The following MS4A3 variants were observed in gnomAD, a reference collection of about 807,000 sequenced individuals.
MS4A3 encodes the protein membrane-spanning 4-domains subfamily A member 3.
MS4A3 carries 18 observed loss-of-function variants against 24.7 expected under a neutral mutation model. That is an observed-to-expected ratio of 0.73 (90% CI 0.50 to 1.08). The LOEUF is 1.08. MS4A3 is among the 50% of genes least tolerant of loss of function. MS4A3 has a pLI of 0.00. For synonymous variants in MS4A3, 84 were observed against 95.3 expected (o/e 0.88, Z 0.69); for missense variants, 282 against 251.7 (o/e 1.12, Z -0.82).
At chr11:60,068,135 T>C (rs1378726346) in intron 5 of MS4A3, among the ~76,000 whole-genome samples, 1 of 152,150 alleles carries the variant, frequency 6.6e-6, no homozygotes, top group Non-Finnish European at 1.5e-5. Flanking sequence ...CAACTTTCTC[T>C]GCAATCTGGA....
intron 5 of MS4A3, among the ~76,000 whole-genome samples, chr11:60,068,544 G>A (rs1453493818): frequency 2.0e-5 from 3 of 151,398 alleles, no homozygotes; most frequent in South Asian, 2.1e-4. Flanking sequence ...GAGCCACCGC[G>A]CCCAGCCAAC....
At chr11:60,065,232 T>G (rs1252035305) in intron 4 of MS4A3, among the ~76,000 whole-genome samples, 1 of 127,740 alleles carries the variant, frequency 7.8e-6, no homozygotes, top group Non-Finnish European at 1.7e-5. Flanking sequence ...TTTTTTTTTT[T>G]GTAGAGACAG....
chr11:60,062,151 A>T (rs1350143470), intron 2 of MS4A3, among the ~76,000 whole-genome samples: 5 of 152,190 alleles, frequency 3.3e-5, no homozygotes, highest in Non-Finnish European at 7.3e-5. Flanking sequence ...ATGCAAAAGC[A>T]TGCTGGGAAG....
At chr11:60,067,814 G>A (rs572198200) in intron 5 of MS4A3, among the ~76,000 whole-genome samples, 12 of 151,730 alleles carry the variant, frequency 7.9e-5, no homozygotes, top group Admixed American at 7.2e-4. Flanking sequence ...TTGGGAGGCC[G>A]AGGCAGGCGG....
chr11:60,067,627 T>C (rs1027373246), intron 5 of MS4A3, among the ~76,000 whole-genome samples: 5 of 152,222 alleles, frequency 3.3e-5, no homozygotes, highest in Non-Finnish European at 7.3e-5. Context: ...ACCCGTCTCA[T>C]AGGATTTATG....
rs1855465296 is a variant in MS4A3 at position 60,070,901 on chromosome 11, C to T, written c.*668C>T. On this transcript the variant is annotated 3_prime_UTR_variant, in exon 7 of 7. Transcript: ENST00000278865. ...GTGTTCTTCAAAGGACAATGGGAAA[C>T]TGTAAAGTAGAGAACTAAAGAATAA... 1 of 152,188 alleles carries T rather than the reference C, an allele frequency of 6.6e-6. No individual in the cohort carries two copies. Among genetic ancestry groups the T allele is most frequent in the Non-Finnish European group, 1.5e-5 (1 of 68,096 alleles). 9.4% of individuals were successfully genotyped at this position (152,188 alleles called of 1,614,324 possible). A position where few individuals can be genotyped will look rare whatever the true frequency, so the allele number is the denominator to read the frequency against.
intron 6 of MS4A3, 66 bp from the exon 7 acceptor site, chr11:60,070,138 G>T: frequency 7.6e-7 from 1 of 1,322,664 alleles, no homozygotes. Context: ...ATGATAACAG[G>T]AAGGGATGGG....
At chr11:60,060,327 C>A (rs11230135) in intron 1 of MS4A3, among the ~76,000 whole-genome samples, 14,098 of 152,158 alleles carry the variant, frequency 0.093, 877 homozygotes, top group Non-Finnish European at 0.13. Context: ...CAAGGTCATG[C>A]AACTAGTAAG....
intron 4 of MS4A3, among the ~76,000 whole-genome samples, 194 bp downstream of exon 4, chr11:60,064,512 C>T (rs1324680100): frequency 6.6e-6 from 1 of 152,118 alleles, no homozygotes; most frequent in Non-Finnish European, 1.5e-5. Context: ...TCCTGGGATG[C>T]TTGCTCTTAA....
intron 1 of MS4A3, among the ~76,000 whole-genome samples, chr11:60,059,647 T>C (rs1479707424): frequency 2.0e-5 from 3 of 152,176 alleles, no homozygotes; most frequent in Non-Finnish European, 4.4e-5. Context: ...GGTTTTCTGT[T>C]CCTGTATTAG....
intron 6 of MS4A3, 70 bp downstream of exon 6, chr11:60,069,745 TG>T: frequency 8.7e-7 from 1 of 1,145,456 alleles, no homozygotes; most frequent in Non-Finnish European, 1.3e-6. Context: ...AAGTTGTTTC[TG>T]ATGCTTAGAA....
chr11:60,064,265 T>C lies in MS4A3; in HGVS notation c.298T>C (p.Cys100Arg). Residue 100 changes from cysteine to arginine, a missense_variant, in exon 4 of 7, where the codon TGT becomes CGT. Physicochemically the swap from Cys to Arg is radical, Grantham distance 180. Transcript: ENST00000278865. Reference sequence around the variant, plus strand: ...TTTCCTTCCTATTTTCAAACAGTTCTGTAGTTCAGGAACCTTGTCTGTTGT... The same window carrying C: ...TTTCCTTCCTATTTTCAAACAGTTCCGTAGTTCAGGAACCTTGTCTGTTGT... Reference protein sequence around the residue: ...GYPIWGAVFFCSSGTLSVVAG... With the variant: ...GYPIWGAVFFRSSGTLSVVAG... 3 of 1,606,202 alleles carry C rather than the reference T, an allele frequency of 1.9e-6. No homozygotes were observed. Among genetic ancestry groups the C allele is most frequent in the Non-Finnish European group, 8.5e-7 (1 of 1,176,368 alleles).
intron 4 of MS4A3, among the ~76,000 whole-genome samples, chr11:60,066,224 T>G (rs1020998278): frequency 1.3e-5 from 2 of 152,262 alleles, no homozygotes; most frequent in Non-Finnish European, 2.9e-5. Context: ...TTGATGACAT[T>G]TCATCCAATC....
Position 60,069,676 on chromosome 11 carries a change from G to T in MS4A3, c.615+1G>T, listed in dbSNP as rs753526636. ...TGCAAACTGCTGTAATTCAAGAGAG[G>T]TGAGATTTTTCAAATGATTAATCAT... On this transcript the variant is annotated splice_donor_variant, in intron 6 of 6. Transcript: ENST00000278865. LOFTEE classifies it high-confidence loss of function. 6.2e-7 allele frequency: 1 copy of T among 1,605,264 alleles called. No individual in the cohort carries two copies. Among genetic ancestry groups the T allele is most frequent in the African/African-American group, 1.3e-5 (1 of 74,732 alleles).
intron 5 of MS4A3, among the ~76,000 whole-genome samples, chr11:60,067,702 A>AATTATT (rs1189233310): frequency 1.3e-5 from 2 of 152,188 alleles, no homozygotes; most frequent in African/African-American, 4.8e-5. Context: ...CATGATACAC[A>AATTATT]ATTATTATTA....
intron 1 of MS4A3, among the ~76,000 whole-genome samples, chr11:60,058,715 G>A (rs1472840411): frequency 6.6e-6 from 1 of 151,774 alleles, no homozygotes; most frequent in East Asian, 1.9e-4. Context: ...TGGGTGAGGG[G>A]TGAGGCAGGA....
rs529687290 is a variant in MS4A3, at chr11:60,062,429, T to C, written c.157-39T>C. 1.6e-5 allele frequency: 26 copies of C among 1,613,326 alleles called. No individual in the cohort carries two copies. The South Asian group carries it at 2.6e-4, about 16-fold the overall frequency. On this transcript the variant is annotated intron_variant, in intron 2 of 6. Coordinates refer to ENST00000278865, the MANE Select transcript of MS4A3 (RefSeq NM_006138.5). ...GGCCTGTTTTCAGTGTCCACTTTAG[T>C]ATATGACTGTTACGCCTTTTTCCCC...
At chr11:60,062,690 A>G in intron 3 of MS4A3, 85 bp downstream of exon 3, 1 of 1,487,916 alleles carries the variant, frequency 6.7e-7, no homozygotes, top group Non-Finnish European at 9.1e-7. Context: ...TATTGTTTGT[A>G]GGTTATTGGA....
chr11:60,057,612 G>A (rs563754745), intron 1 of MS4A3, among the ~76,000 whole-genome samples: 30 of 152,222 alleles, frequency 2.0e-4, no homozygotes, highest in Admixed American at 1.2e-3. Flanking sequence ...CACCATGTTA[G>A]CAAGGATGAT....
Sources: gnomAD v4.1 joint callset for allele counts (sites outside exome capture counted in the v4.1 genomes callset) on GRCh38, gnomAD v4.1.1 for gene constraint, MANE v1.5 for transcripts, NCBI Gene and HGNC (gene_info 2026-07-23, HGNC 2026-07-21) for gene names.